Variants in DNAH10 observed in about 807,000 individuals in gnomAD.
DNAH10 encodes dynein axonemal heavy chain 10.
A neutral mutation model predicts 506.6 loss-of-function variants in DNAH10; 348 were observed. That is an observed-to-expected ratio of 0.69 (90% CI 0.63 to 0.75). The LOEUF is 0.75. DNAH10 is among the 30% of genes least tolerant of loss of function. The probability of loss-of-function intolerance (pLI) is 0.00; values close to 1 mark genes in which losing one functional copy is unlikely to be tolerated. For missense variants in DNAH10, 5,179 were observed against 5,787.1 expected (o/e 0.89, Z 3.41); for synonymous variants, 2,059 against 2,198.6 (o/e 0.94, Z 1.78).
chr12:123,798,720 ATTAT>A (rs199708922), intron 13 of DNAH10, among the ~76,000 whole-genome samples: 1,603 of 148,222 alleles, frequency 0.011, 31 homozygotes, highest in African/African-American at 0.036. Flanking sequence ...ATAACTATAT[ATTAT>A]TTATTATATT....
rs1957898259 is a variant in DNAH10, at chr12:123,787,440, T to C, written c.1422-364T>C. Among the ~76,000 whole-genome samples, 1 of 152,234 alleles carries C rather than the reference T, an allele frequency of 6.6e-6. No homozygotes were observed. Among genetic ancestry groups the C allele is most frequent in the African/African-American group, 2.4e-5 (1 of 41,464 alleles). ...AGCTAGATCTCCATTTCTGTCTATTTGCATAGGTGAAGTAGGTACCCAAAT... is the reference window on the plus strand; with the variant it reads ...AGCTAGATCTCCATTTCTGTCTATTCGCATAGGTGAAGTAGGTACCCAAAT... On this transcript the variant is annotated intron_variant, in intron 9 of 78. Coordinates refer to ENST00000673944, the MANE Select transcript of DNAH10 (RefSeq NM_001372106.1). The surrounding 1 kb of genome is among the most constrained non-coding windows in gnomAD (Gnocchi z 4.6).
Position 123,853,169 on chromosome 12 carries a change from T to G in DNAH10, c.6292-37T>G, listed in dbSNP as rs770647703. On this transcript the variant is annotated intron_variant, in intron 35 of 78. Coordinates refer to ENST00000673944, the MANE Select transcript of DNAH10 (RefSeq NM_001372106.1). The surrounding 1 kb of genome is among the most constrained non-coding windows in gnomAD (Gnocchi z 4.7). ...CCATTGCTTTTGAATCATTTTCTTT[T>G]TTCTTTTTTTTTGTATTATTATCTT... 1.3e-6 allele frequency: 2 copies of G among 1,502,160 alleles called. No homozygotes were observed. The highest frequency in any genetic ancestry group is 1.8e-6 in the Non-Finnish European group (2 of 1,120,960). The allele number at this position is 1,502,160 out of a possible 1,614,324, so 93.1% of individuals were successfully genotyped here. A position where few individuals can be genotyped will look rare whatever the true frequency, so the allele number is the denominator to read the frequency against.
chr12:123,934,118 C>T, intron 77 of DNAH10: 1 of 623,270 alleles, frequency 1.6e-6, no homozygotes, highest in Non-Finnish European at 2.9e-6. Context: ...TGGCAGGTGT[C>T]CGGGCCACCA....
At position 123,850,367 on chromosome 12, in the gene DNAH10, G is replaced by A. The variant is rs916766816; in HGVS notation, c.6103-521G>A. ...CTGGTTTCTTGAGGGGTTTGAGGTG[G>A]GATTCTTTAGGCAGGAGTGACTGCA... On this transcript the variant is annotated intron_variant, in intron 34 of 78. Coordinates refer to ENST00000673944, the MANE Select transcript of DNAH10 (RefSeq NM_001372106.1). The surrounding 1 kb of genome is among the most constrained non-coding windows in gnomAD (Gnocchi z 5.5). Among the ~76,000 whole-genome samples the A allele has an allele frequency of 1.3e-5, 2 of 152,118 alleles. No individual in the cohort carries two copies. Among genetic ancestry groups the A allele is most frequent in the East Asian group, 3.9e-4 (2 of 5,188 alleles).
intron 51 of DNAH10, among the ~76,000 whole-genome samples, chr12:123,885,842 T>G (rs1952704530): frequency 6.6e-6 from 1 of 152,252 alleles, no homozygotes; most frequent in Admixed American, 6.5e-5. Flanking sequence ...TAGTAAAGTT[T>G]GAATATCCTT....
In DNAH10 at chr12:123,911,265, T is replaced by G. The variant is rs866375468; in HGVS notation, c.10134+593T>G. Among the ~76,000 whole-genome samples the G allele has an allele frequency of 5.3e-3, 272 of 51,806 alleles. 5 individuals are homozygous for G. The highest frequency in any genetic ancestry group is 0.021 in the African/African-American group (232 of 11,296). 34.0% of individuals were successfully genotyped at this position (51,806 alleles called of 152,430 possible). A position where few individuals can be genotyped will look rare whatever the true frequency, so the allele number is the denominator to read the frequency against. The stretch of plus-strand genomic sequence containing the variant: ...GCAGCTGAATGTGGCCTGGTGGTGG[T>G]GGGGGGTCTGTCCTGGGGGATCTGT... On this transcript the variant is annotated intron_variant, in intron 59 of 78. Coordinates refer to ENST00000673944, the MANE Select transcript of DNAH10 (RefSeq NM_001372106.1).
In DNAH10 at chr12:123,857,222, A is replaced by G. The variant is rs1178873170; in HGVS notation, c.6605A>G (p.Asn2202Ser). The change falls in exon 37 of 79, where the codon AAC (asparagine) becomes AGC (serine). Residue 2202 changes from asparagine (N) to serine (S), a missense_variant. Asn to Ser is a conservative substitution (Grantham distance 46, BLOSUM62 1). Coordinates refer to ENST00000673944, the MANE Select transcript of DNAH10 (RefSeq NM_001372106.1). ...GCGGTAGAGCAGGTCCTGGAGGAGAACGGCTACGCGGTCCTACCCATCCAG... is the reference window on the plus strand; with the variant it reads ...GCGGTAGAGCAGGTCCTGGAGGAGAGCGGCTACGCGGTCCTACCCATCCAG... Reference protein sequence around the residue: ...NDAVEQVLEENGYAVLPIQVD... With the variant: ...NDAVEQVLEESGYAVLPIQVD... 1.6e-5 allele frequency: 26 copies of G among 1,588,750 alleles called. No individual in the cohort carries two copies. The highest frequency in any genetic ancestry group is 2.1e-5 in the Non-Finnish European group (25 of 1,166,674).
At chr12:123,832,047 C>T (rs181866434) in intron 26 of DNAH10, among the ~76,000 whole-genome samples, 11 of 152,226 alleles carry the variant, frequency 7.2e-5, no homozygotes, top group Admixed American at 2.6e-4. Flanking sequence ...TGTATACACA[C>T]GTATATGCAT....
At chr12:123,874,931 A>G (rs1340771101) in intron 46 of DNAH10, among the ~76,000 whole-genome samples, 1 of 152,234 alleles carries the variant, frequency 6.6e-6, no homozygotes, top group Non-Finnish European at 1.5e-5. Context: ...CCATCCGTTC[A>G]TTAATTGAAT....
chr12:123,882,052 C>T, intron 51 of DNAH10: 1 of 384,622 alleles, frequency 2.6e-6, no homozygotes, highest in Non-Finnish European at 4.6e-6. Flanking sequence ...GGGTTACATC[C>T]TGATAAAATA....
chr12:123,788,813 C>A (rs552075624), intron 10 of DNAH10, among the ~76,000 whole-genome samples: 17 of 150,248 alleles, frequency 1.1e-4, no homozygotes, highest in African/African-American at 4.2e-4. Flanking sequence ...GTAGTCCCAG[C>A]CACTCAGAAG....
At chr12:123,922,340 C>T (rs868448646) in intron 65 of DNAH10, among the ~76,000 whole-genome samples, 8 of 152,174 alleles carry the variant, frequency 5.3e-5, no homozygotes, top group Non-Finnish European at 7.4e-5. Flanking sequence ...CGCGCCACTG[C>T]ACAAAAACAA....
At chr12:123,918,575 C>G (rs1954589105) in intron 64 of DNAH10, 101 bp from the exon 65 acceptor site, 7 of 1,399,140 alleles carry the variant, frequency 5.0e-6, no homozygotes, top group Admixed American at 5.0e-5. Context: ...TTTCAAAGCC[C>G]TGAAGCATTG....
At position 123,847,182 on chromosome 12, in the gene DNAH10, C is replaced by CCATA. The variant is rs1423661176; in HGVS notation, c.5815-776_5815-775insACAT. ...TCCATCCATCCATCCATCCATCCAT[C>CCATA]CATCCATCCATGTATCTATCCATCC... On this transcript the variant is annotated intron_variant, in intron 32 of 78. Transcript: ENST00000673944. Among the ~76,000 whole-genome samples the CCATA allele has an allele frequency of 1.3e-3, 194 of 151,394 alleles. 1 individual carries two copies. Among genetic ancestry groups the CCATA allele is most frequent in the Admixed American group, 5.5e-3 (83 of 15,198 alleles).
chr12:123,860,984 A>G, intron 38 of DNAH10, 28 bp from the exon 39 acceptor site: 1 of 1,613,866 alleles, frequency 6.2e-7, no homozygotes, highest in South Asian at 1.1e-5. Flanking sequence ...GTTGTCTTGA[A>G]CCATGGCTAA....
intron 47 of DNAH10, among the ~76,000 whole-genome samples, chr12:123,877,455 G>A (rs568188424): frequency 1.3e-5 from 2 of 152,046 alleles, no homozygotes; most frequent in Non-Finnish European, 2.9e-5. Flanking sequence ...GGAATTACAG[G>A]TGCGCACCAC....
Position 123,903,127 on chromosome 12 carries a change from G to C in DNAH10, c.9815+14G>C. The C allele has an allele frequency of 6.3e-7, 1 of 1,598,434 alleles. No individual in the cohort carries two copies. Among genetic ancestry groups the C allele is most frequent in the South Asian group, 1.1e-5 (1 of 88,382 alleles). ...GACTGAGATTAGGTAATGCACCTGAGCCACCATTCTGGGCTTCCATTCCAC... is the reference window on the plus strand; with the variant it reads ...GACTGAGATTAGGTAATGCACCTGACCCACCATTCTGGGCTTCCATTCCAC... On this transcript the variant is annotated intron_variant, in intron 57 of 78. Coordinates refer to ENST00000673944, the MANE Select transcript of DNAH10 (RefSeq NM_001372106.1). This position sits in a 1 kb window ranked among gnomAD's most constrained non-coding sequence, Gnocchi z 4.6.
chr12:123,771,728 G>T (rs1459950717), intron 3 of DNAH10, 30 bp downstream of exon 3: 2 of 1,558,404 alleles, frequency 1.3e-6, no homozygotes, highest in Admixed American at 1.8e-5. Context: ...CTTGTTGGTG[G>T]GGTAATGGGG....
intron 52 of DNAH10, among the ~76,000 whole-genome samples, chr12:123,891,251 A>G (rs1022672190): frequency 1.3e-5 from 2 of 151,996 alleles, no homozygotes; most frequent in African/African-American, 2.4e-5. Context: ...TCCCTCCTTT[A>G]TAAGGGTACC....
Sources: allele counts gnomAD v4.1 joint callset (sites outside exome capture counted in the v4.1 genomes callset), GRCh38; gene constraint gnomAD v4.1.1; non-coding constraint Gnocchi (gnomAD v3.1); transcripts MANE v1.5; gene names NCBI Gene and HGNC (gene_info 2026-07-23, HGNC 2026-07-21).